Variants in USP39 observed in about 807,000 individuals in gnomAD.
USP39 encodes ubiquitin specific peptidase 39.
USP39 carries 38 observed loss-of-function variants against 66.4 expected under a neutral mutation model. The ratio of observed to expected loss-of-function variants is 0.57; its 90% CI spans 0.44 to 0.75. USP39 has a LOEUF of 0.75. Among genes scored for constraint, USP39 ranks in the 30% least tolerant of loss-of-function variants. The pLI is 0.00. For missense variants in USP39, 608 were observed against 714.4 expected, an observed-to-expected ratio of 0.85 and a Z score of 1.70; for synonymous variants, 303 against 274.6, an observed-to-expected ratio of 1.10 and a Z score of -1.02.
chr2:85,637,525 C>G (rs1675866709), intron 8 of USP39, 89 bp downstream of exon 8: 2 of 1,408,024 alleles, frequency 1.4e-6, no homozygotes, highest in East Asian at 2.3e-5. Flanking sequence ...AACTGACAAG[C>G]CTGCTTGCCC....
chr2:85,631,312 C>CGT (rs1409521856), intron 6 of USP39, among the ~76,000 whole-genome samples: 1 of 132,908 alleles, frequency 7.5e-6, no homozygotes, highest in Non-Finnish European at 1.6e-5. Context: ...CTGCGCCCGG[C>CGT]CTTTTTTTTT....
chr2:85,623,485 T>A, intron 3 of USP39, 161 bp from the exon 4 acceptor site: 1 of 1,048,410 alleles, frequency 9.5e-7, no homozygotes, highest in South Asian at 2.1e-5. Flanking sequence ...AATTTTTTTA[T>A]GAGAGAACTT....
chr2:85,617,956 T>A (rs1187697747), intron 1 of USP39, among the ~76,000 whole-genome samples: 1 of 72,136 alleles, frequency 1.4e-5, no homozygotes, highest in African/African-American at 1.4e-4. Flanking sequence ...CACATGTACA[T>A]TCTTTTTTTT....
intron 6 of USP39, among the ~76,000 whole-genome samples, chr2:85,635,367 C>T (rs1299169385): frequency 1.3e-5 from 2 of 152,110 alleles, no homozygotes; most frequent in Admixed American, 1.3e-4. Flanking sequence ...CGAGACCGGC[C>T]TGGCCAACAT....
At chr2:85,635,252 C>T (rs1429716514) in intron 6 of USP39, among the ~76,000 whole-genome samples, 3 of 152,138 alleles carry the variant, frequency 2.0e-5, no homozygotes, top group Non-Finnish European at 4.4e-5. Flanking sequence ...AGCAAATCTT[C>T]GTTGAAGAGA....
intron 6 of USP39, 41 bp from the exon 7 acceptor site, chr2:85,636,012 C>A: frequency 1.3e-6 from 2 of 1,593,914 alleles, no homozygotes; most frequent in Non-Finnish European, 1.7e-6. Flanking sequence ...AACTCTAATG[C>A]CACTTAGCTT....
upstream of USP39, chr2:85,609,305 C>T: frequency 7.3e-7 from 1 of 1,362,094 alleles, no homozygotes; most frequent in South Asian, 1.4e-5. Flanking sequence ...CACTGCCCGG[C>T]AGGCCTAGAC....
chr2:85,630,867 C>T lies in USP39; in HGVS notation c.870C>T (p.Phe290=), dbSNP rs1675269714. 1 of 1,614,208 alleles carries T rather than the reference C, an allele frequency of 6.2e-7. No homozygotes were observed. Among genetic ancestry groups the T allele is most frequent in the Non-Finnish European group, 8.5e-7 (1 of 1,180,050 alleles). ...GAAAGCTCTGGAACCCTCGAAATTT[C>T]AAGGCACATGTGTCTCCCCATGAGA... ...LMRKLWNPRN[F]KAHVSPHEML... Residue 290 remains phenylalanine, a synonymous_variant, in exon 6 of 13, where the codon TTC becomes TTT. Transcript: ENST00000323701.
At chr2:85,611,695 G>A (rs1673541457), upstream of USP39, 4 of 1,580,534 alleles carry the variant, frequency 2.5e-6, no homozygotes, top group African/African-American at 2.7e-5. Flanking sequence ...TACACCTGCA[G>A]GTCTGGCTTG....
At chr2:85,640,878 A>G (rs893185611) in intron 9 of USP39, 98 bp from the exon 10 acceptor site, 1 of 1,204,376 alleles carries the variant, frequency 8.3e-7, no homozygotes, top group African/African-American at 1.5e-5. Context: ...GTGTGAGGCA[A>G]AATTATATTT....
At chr2:85,627,094 G>C (rs1017372615) in intron 5 of USP39, among the ~76,000 whole-genome samples, 5 of 151,386 alleles carry the variant, frequency 3.3e-5, no homozygotes, top group East Asian at 3.9e-4. Context: ...ATGAGTAATA[G>C]GTGCATACTG....
chr2:85,647,450 C>G (rs1676727169), intron 11 of USP39, among the ~76,000 whole-genome samples: 1 of 151,904 alleles, frequency 6.6e-6, no homozygotes, highest in Non-Finnish European at 1.5e-5. Flanking sequence ...GCGGGAGGAT[C>G]TTTTGAGACC....
chr2:85,604,279 G>A (rs1170099210), intron 1 of USP39, among the ~76,000 whole-genome samples: 2 of 152,116 alleles, frequency 1.3e-5, no homozygotes, highest in Non-Finnish European at 2.9e-5. Flanking sequence ...GTGCAATCTC[G>A]GCTCACTGTT....
chr2:85,630,629 A>T, intron 5 of USP39, 92 bp from the exon 6 acceptor site: 1 of 1,291,612 alleles, frequency 7.7e-7, no homozygotes, highest in Non-Finnish European at 1.1e-6. Flanking sequence ...CAGGCACATC[A>T]CAAATTCTAT....
At chr2:85,645,207 T>A in intron 11 of USP39, 124 bp downstream of exon 11, 2 of 1,349,918 alleles carry the variant, frequency 1.5e-6, no homozygotes, top group Non-Finnish European at 2.0e-6. Context: ...CTGCAAGTAA[T>A]AGTGCTGTCA....
chr2:85,632,591 GTGCGTGCCACCA>G (rs1675441720), intron 6 of USP39, among the ~76,000 whole-genome samples: 1 of 151,838 alleles, frequency 6.6e-6, no homozygotes, highest in African/African-American at 2.4e-5. Context: ...GGGCCTACAG[GTGCGTGCCACCA>G]TGCCCAGCTA....
At chr2:85,631,447 T>A (rs1452141550) in intron 6 of USP39, among the ~76,000 whole-genome samples, 8 of 150,790 alleles carry the variant, frequency 5.3e-5, no homozygotes. Flanking sequence ...TTCAAGTAGC[T>A]ATGATTACAG....
chr2:85,626,674 A>C (rs1408744368), intron 5 of USP39, among the ~76,000 whole-genome samples: 1 of 151,946 alleles, frequency 6.6e-6, no homozygotes, highest in East Asian at 1.9e-4. Context: ...CCATGTGCTC[A>C]TAACCCTGAA....
intron 4 of USP39, among the ~76,000 whole-genome samples, chr2:85,625,153 A>G (rs1369192907): frequency 6.6e-6 from 1 of 152,144 alleles, no homozygotes; most frequent in Non-Finnish European, 1.5e-5. Flanking sequence ...ATTCCCACCC[A>G]GAGTGGAGGA....
Sources: allele counts gnomAD v4.1 joint callset (sites outside exome capture counted in the v4.1 genomes callset), GRCh38; gene constraint gnomAD v4.1.1; transcripts MANE v1.5; gene names NCBI Gene and HGNC (gene_info 2026-07-23, HGNC 2026-07-21).